The following MEIS2 variants were observed in gnomAD, a reference collection of about 807,000 sequenced individuals.
The protein encoded by MEIS2 is homeobox protein Meis2.
In MEIS2, 9 loss-of-function variants were observed where a neutral mutation model predicts 58.6. That is an observed-to-expected ratio of 0.15 (90% confidence interval 0.09 to 0.27). The LOEUF (loss-of-function observed/expected upper bound fraction) is 0.27, where lower values mean the gene tolerates loss of function less well. MEIS2 is among the 10% of genes least tolerant of loss of function. The pLI is 1.00. For synonymous variants in MEIS2, 221 were observed against 228.4 expected, an observed-to-expected ratio of 0.97 and a Z score of 0.29; for missense variants, 427 against 635.0, an observed-to-expected ratio of 0.67 and a Z score of 3.52.
At chr15:37,097,086 C>A (rs894642617) in intron 2 of MEIS2, among the ~76,000 whole-genome samples, 1 of 152,200 alleles carries the variant, frequency 6.6e-6, no homozygotes, top group Non-Finnish European at 1.5e-5. Flanking sequence ...TTTCTCCCAG[C>A]GTTGCAGCAG....
At chr15:36,984,429 C>A (rs1435534623) in intron 8 of MEIS2, among the ~76,000 whole-genome samples, 1 of 152,004 alleles carries the variant, frequency 6.6e-6, no homozygotes, top group Non-Finnish European at 1.5e-5. Context: ...TCCTTGCATG[C>A]CAAGGATAAA....
At chr15:36,961,203 G>A (rs1037492247) in intron 8 of MEIS2, among the ~76,000 whole-genome samples, 2 of 152,054 alleles carry the variant, frequency 1.3e-5, no homozygotes, top group Non-Finnish European at 2.9e-5. Context: ...CACTTTGTGA[G>A]TTTCTAATTT....
chr15:37,094,437 C>T, intron 5 of MEIS2, 90 bp downstream of exon 5: 1 of 1,266,492 alleles, frequency 7.9e-7, no homozygotes, highest in Middle Eastern at 2.2e-4. Context: ...GTGCTCAATC[C>T]CTCACACTAG....
intron 8 of MEIS2, among the ~76,000 whole-genome samples, chr15:37,003,904 G>C (rs2060825961): frequency 6.6e-6 from 1 of 152,180 alleles, no homozygotes; most frequent in Non-Finnish European, 1.5e-5. Flanking sequence ...CGGGAAGTAA[G>C]CCGTCACCAG....
rs540455563 is a variant in MEIS2, at chr15:36,944,594, C to G, written c.977+5730G>C. Among the ~76,000 whole-genome samples the G allele has an allele frequency of 3.7e-4, 56 of 152,210 alleles. 1 individual carries two copies. Among genetic ancestry groups the G allele is most frequent in the African/African-American group, 1.2e-3 (50 of 41,550 alleles). On this transcript the variant is annotated intron_variant, in intron 9 of 11. Transcript: ENST00000561208. ...GAAAGAGAAGCATTTTCACCTAGAGCTCACCAAAGCTTTTTTGTATTCATT... is the reference window on the plus strand; with the variant it reads ...GAAAGAGAAGCATTTTCACCTAGAGGTCACCAAAGCTTTTTTGTATTCATT...
At chr15:37,069,688 G>A (rs921638108) in intron 7 of MEIS2, among the ~76,000 whole-genome samples, 3 of 152,126 alleles carry the variant, frequency 2.0e-5, no homozygotes, top group African/African-American at 7.2e-5. Context: ...CCCCGATCAT[G>A]ACAAAAATAC....
intron 9 of MEIS2, among the ~76,000 whole-genome samples, chr15:36,922,636 T>TTG (rs2057564995): frequency 7.0e-6 from 1 of 141,922 alleles, no homozygotes; most frequent in Non-Finnish European, 1.5e-5. Flanking sequence ...TTTTTTTTTT[T>TTG]GTGATGGAGT....
chr15:37,090,475 T>C (rs568268527), intron 6 of MEIS2, among the ~76,000 whole-genome samples: 26 of 152,176 alleles, frequency 1.7e-4, no homozygotes, highest in Admixed American at 3.9e-4. Flanking sequence ...TTACTAATAA[T>C]ATATAAAACT....
chr15:37,095,701 TGGC>T, intron 3 of MEIS2, 87 bp from the exon 4 acceptor site: 1 of 1,596,722 alleles, frequency 6.3e-7, no homozygotes, highest in African/African-American at 1.3e-5. Context: ...TGGAGGGCAA[TGGC>T]GGAGAAGAGG....
intron 8 of MEIS2, among the ~76,000 whole-genome samples, chr15:37,029,155 G>A (rs540049462): frequency 6.6e-6 from 1 of 152,288 alleles, no homozygotes; most frequent in East Asian, 1.9e-4. Context: ...GGAAAACAAT[G>A]CAAAGGCTAA....
chr15:36,996,487 C>T (rs927898794), intron 8 of MEIS2, among the ~76,000 whole-genome samples: 1 of 152,128 alleles, frequency 6.6e-6, no homozygotes, highest in Non-Finnish European at 1.5e-5. Context: ...AATACAAACA[C>T]TGCTTGAATT....
At chr15:36,961,627 T>C (rs972422735) in intron 8 of MEIS2, among the ~76,000 whole-genome samples, 4 of 152,170 alleles carry the variant, frequency 2.6e-5, no homozygotes, top group Non-Finnish European at 4.4e-5. Flanking sequence ...GGCTTTTTTT[T>C]CCTAATTTGG....
intron 8 of MEIS2, among the ~76,000 whole-genome samples, chr15:36,953,742 G>A (rs866080460): frequency 3.3e-5 from 5 of 152,132 alleles, no homozygotes; most frequent in Admixed American, 6.5e-5. Context: ...ATGACTTCAC[G>A]TAGATAGAAA....
intron 9 of MEIS2, among the ~76,000 whole-genome samples, chr15:36,922,979 A>T (rs1283302597): frequency 6.6e-6 from 1 of 152,146 alleles, no homozygotes; most frequent in Non-Finnish European, 1.5e-5. Context: ...CTGCCATGTA[A>T]GTCTTTAATA....
rs182029443 is a variant in MEIS2, at chr15:37,099,616, A to G, written c.-150T>C. The G allele has an allele frequency of 3.3e-3, 3,634 of 1,103,108 alleles. 7 individuals carry two copies. The highest frequency in any genetic ancestry group is 3.7e-3 in the Non-Finnish European group (2,940 of 793,968). The allele number at this position is 1,103,108 out of a possible 1,614,324, so 68.3% of individuals were successfully genotyped here. A position where few individuals can be genotyped will look rare whatever the true frequency, so the allele number is the denominator to read the frequency against. On this transcript the variant is annotated 5_prime_UTR_variant, in exon 1 of 12. Coordinates refer to ENST00000561208, the MANE Select transcript of MEIS2 (RefSeq NM_170675.5). ...TCCAATATGCTATTTTTTAGGGGGG[A>G]AAAAAAGCCCAGTCTAGACAACGAA...
At chr15:36,967,762 G>A (rs1022010038) in intron 8 of MEIS2, among the ~76,000 whole-genome samples, 3 of 152,006 alleles carry the variant, frequency 2.0e-5, no homozygotes, top group Admixed American at 2.0e-4. Flanking sequence ...CTTCCATCTT[G>A]CAGATATTCA....
chr15:37,041,205 T>G (rs1206131228), intron 7 of MEIS2, among the ~76,000 whole-genome samples: 3 of 152,226 alleles, frequency 2.0e-5, no homozygotes, highest in African/African-American at 7.2e-5. Flanking sequence ...TAAAAAATTG[T>G]GAGAAATGCA....
intron 7 of MEIS2, among the ~76,000 whole-genome samples, chr15:37,051,808 G>T (rs1276976150): frequency 6.6e-6 from 1 of 151,962 alleles, no homozygotes; most frequent in Non-Finnish European, 1.5e-5. Context: ...GAAGCTGTGA[G>T]GAGAAGCTCA....
intron 6 of MEIS2, among the ~76,000 whole-genome samples, chr15:37,090,815 C>A (rs1052414675): frequency 1.3e-5 from 2 of 152,122 alleles, no homozygotes; most frequent in African/African-American, 2.4e-5. Context: ...AACTACACTT[C>A]TTTTTTAGCT....
Sources: gnomAD v4.1 joint callset for allele counts (sites outside exome capture counted in the v4.1 genomes callset) on GRCh38, gnomAD v4.1.1 for gene constraint, MANE v1.5 for transcripts, NCBI Gene and HGNC (gene_info 2026-07-23, HGNC 2026-07-21) for gene names.